Variants in ANGPTL4 observed in about 807,000 individuals in gnomAD.
The protein encoded by ANGPTL4 is angiopoietin-related protein 4.
In ANGPTL4, 39 loss-of-function variants were observed where a neutral mutation model predicts 39.2. The observed-to-expected ratio is 1.00, with a 90% CI of 0.77 to 1.30. The LOEUF (loss-of-function observed/expected upper bound fraction) is 1.30, where lower values mean the gene tolerates loss of function less well. Among genes scored for constraint, ANGPTL4 ranks in the 50% most tolerant of loss-of-function variants. ANGPTL4 has a pLI of 0.00. For missense variants in ANGPTL4, 545 were observed against 549.8 expected (o/e 0.99, Z 0.09); for synonymous variants, 233 against 229.5 (o/e 1.02, Z -0.14).
Position 8,369,238 on chromosome 19 carries a change from G to C in ANGPTL4, c.567G>C (p.Gln189His). ...SRLHRLPRDC[Q>H]ELFQVGERQS... The stretch of plus-strand genomic sequence containing the variant: ...CTTCAGGGCTGCCCAGGGATTGCCA[G>C]GAGCTGTTCCAGGTTGGGGAGAGGC... The change falls in exon 4 of 7, where the codon CAG becomes CAC. Residue 189 changes from glutamine to histidine, a missense_variant. Coordinates refer to ENST00000301455, the MANE Select transcript of ANGPTL4 (RefSeq NM_139314.3). 6.2e-7 allele frequency: 1 copy of C among 1,611,542 alleles called. No individual in the cohort carries two copies. Among genetic ancestry groups the C allele is most frequent in the Non-Finnish European group, 8.5e-7 (1 of 1,179,742 alleles).
At position 8,374,182 on chromosome 19, in the gene ANGPTL4, G is replaced by T; in HGVS notation, c.*296G>T. 1 of 416,914 alleles carries T rather than the reference G, an allele frequency of 2.4e-6. No homozygotes were observed. Among genetic ancestry groups the T allele is most frequent in the Non-Finnish European group, 4.5e-6 (1 of 222,666 alleles). The allele number at this position is 416,914 out of a possible 1,614,324, so 25.8% of individuals were successfully genotyped here. ...GTTGGGGACTCAGAGGGACCACTTG[G>T]GGCCAGCCAGACTGGCCTCAATGGC... On this transcript the variant is annotated 3_prime_UTR_variant, in exon 7 of 7. Coordinates refer to ENST00000301455, the MANE Select transcript of ANGPTL4 (RefSeq NM_139314.3).
At chr19:8,370,771 A>G (rs537946426) in intron 4 of ANGPTL4, among the ~76,000 whole-genome samples, 105 of 151,992 alleles carry the variant, frequency 6.9e-4, no homozygotes, top group Non-Finnish European at 1.4e-3. Flanking sequence ...AGAGGTTACA[A>G]CACGGGGTTT....
rs758390511 is a variant in ANGPTL4, at chr19:8,371,383, TAGCCTGC to T, written c.904_910del (p.Leu302SerfsTer93). Reference sequence around the variant, plus strand: ...ACCTGGGTGGCGAGGACACGGCCTATAGCCTGCAGCTCACTGCACCCGTGGCCGGCCA... The same window carrying T: ...ACCTGGGTGGCGAGGACACGGCCTATAGCTCACTGCACCCGTGGCCGGCCA... On this transcript the variant is annotated frameshift_variant, in exon 6 of 7. Transcript: ENST00000301455. LOFTEE classifies it high-confidence loss of function. This position sits in a 1 kb window ranked among gnomAD's most constrained non-coding sequence, Gnocchi z 5.1. The T allele has an allele frequency of 6.2e-6, 10 of 1,613,506 alleles. No homozygotes were observed. Among genetic ancestry groups the T allele is most frequent in the Non-Finnish European group, 7.6e-6 (9 of 1,180,020 alleles).
chr19:8,364,610 G>C lies in ANGPTL4; in HGVS notation c.289G>C (p.Val97Leu), dbSNP rs554305598. 7.0e-5 allele frequency: 112 copies of C among 1,592,700 alleles called. 1 individual carries two copies. The South Asian group carries it at 1.1e-3, about 16-fold the overall frequency. Residue 97 changes from valine to leucine, a missense_variant, in exon 1 of 7, where the codon GTG becomes CTG. By Grantham distance (32) the Val-to-Leu change is conservative (BLOSUM62 1). Coordinates refer to ENST00000301455, the MANE Select transcript of ANGPTL4 (RefSeq NM_139314.3). ...CCTCCCGTTAGCCCCTGAGAGCCGG[G>C]TGGACCCTGAGGTCCTTCACAGCCT... Reference protein sequence around the residue: ...TDLPLAPESRVDPEVLHSLQT... With the variant: ...TDLPLAPESRLDPEVLHSLQT...
Position 8,364,396 on chromosome 19 carries a change from C to A in ANGPTL4, c.75C>A (p.Gly25=), listed in dbSNP as rs776996548. The change falls in exon 1 of 7, where the codon GGC becomes GGA. Residue 25 remains glycine (G), a synonymous_variant. Transcript: ENST00000301455. Reference sequence around the variant, plus strand: ...CCGCCGTGCTACTGAGCGCTCAGGGCGGACCCGTGCAGTCCAAGTCGCCGC... The same window carrying A: ...CCGCCGTGCTACTGAGCGCTCAGGGAGGACCCGTGCAGTCCAAGTCGCCGC... ...AATAVLLSAQ[G]GPVQSKSPRF... 3 of 1,546,238 alleles carry A rather than the reference C, an allele frequency of 1.9e-6. No homozygotes were observed. Among genetic ancestry groups the A allele is most frequent in the South Asian group, 1.2e-5 (1 of 84,356 alleles).
At chr19:8,369,420 T>C in intron 4 of ANGPTL4, 88 bp downstream of exon 4, 1 of 973,488 alleles carries the variant, frequency 1.0e-6, no homozygotes, top group Non-Finnish European at 1.6e-6. Context: ...ACAAAAAAAT[T>C]AAAGGCAGGG....
Position 8,374,053 on chromosome 19 carries a change from G to A in ANGPTL4, c.*167G>A, listed in dbSNP as rs543626813. On this transcript the variant is annotated 3_prime_UTR_variant, in exon 7 of 7. Coordinates refer to ENST00000301455, the MANE Select transcript of ANGPTL4 (RefSeq NM_139314.3). ...GGAGAAGCCCCCTTTCTGAGTGCAG[G>A]GGGGCTGCATGCGTTGCCTCCTGAG... is the stretch of plus-strand genomic sequence containing the variant. 5.6e-6 allele frequency: 4 copies of A among 719,180 alleles called. No homozygotes were observed. The highest frequency in any genetic ancestry group is 2.7e-5 in the East Asian group (1 of 37,198). The allele number at this position is 719,180 out of a possible 1,614,324, so 44.5% of individuals were successfully genotyped here.
rs1971126048 is a variant in ANGPTL4 at position 8,371,766 on chromosome 19, TA to T, written c.1039+245del. On this transcript the variant is annotated intron_variant, in intron 6 of 6. Transcript: ENST00000301455. This position sits in a 1 kb window ranked among gnomAD's most constrained non-coding sequence, Gnocchi z 5.1. ...TTGTTTATTTATTTATTTATGTATT[TA>T]TTTTTTGAGACGGAGTCTCACTTTG... Among the ~76,000 whole-genome samples, 1 of 152,214 alleles carries T rather than the reference TA, an allele frequency of 6.6e-6. No individual in the cohort carries two copies. Among genetic ancestry groups the T allele is most frequent in the Non-Finnish European group, 1.5e-5 (1 of 68,050 alleles).
At chr19:8,370,524 C>T (rs1971093728) in intron 4 of ANGPTL4, among the ~76,000 whole-genome samples, 1 of 151,982 alleles carries the variant, frequency 6.6e-6, no homozygotes, top group Non-Finnish European at 1.5e-5. Context: ...ACCAGCCTGG[C>T]CAACATGGTG....
At chr19:8,369,453 G>GTT in intron 4 of ANGPTL4, 121 bp downstream of exon 4, 6 of 590,330 alleles carry the variant, frequency 1.0e-5, no homozygotes, top group East Asian at 7.5e-5. Context: ...GCCCAAGCTG[G>GTT]TCTTTTTTTT....
chr19:8,366,206 G>C lies in ANGPTL4; in HGVS notation c.434G>C (p.Gly145Ala). ...CCTCCTCCCGTCCCATCCTAGTTTG[G>C]CCTCCTGGACCACAAGCACCTAGAC... ...LRIQHLQSQF[G>A]LLDHKHLDHE... The change falls in exon 3 of 7, where the codon GGC becomes GCC. Residue 145 changes from glycine (G) to alanine (A), a missense_variant. Gly to Ala is a moderately conservative substitution (Grantham distance 60). Transcript: ENST00000301455. The C allele has an allele frequency of 6.2e-7, 1 of 1,614,086 alleles. No individual in the cohort carries two copies. Among genetic ancestry groups the C allele is most frequent in the East Asian group, 2.2e-5 (1 of 44,876 alleles).
intron 6 of ANGPTL4, among the ~76,000 whole-genome samples, chr19:8,372,046 C>A (rs1971131950): frequency 6.6e-6 from 1 of 151,474 alleles, no homozygotes; most frequent in African/African-American, 2.4e-5. Context: ...GCGTGAGCCA[C>A]CGCGCCCGGC....
chr19:8,372,179 C>T (rs1164229191), intron 6 of ANGPTL4, among the ~76,000 whole-genome samples: 1 of 151,858 alleles, frequency 6.6e-6, no homozygotes, highest in Non-Finnish European at 1.5e-5. Flanking sequence ...GCCTCAGCCT[C>T]CTGAGTAGCT....
intron 4 of ANGPTL4, among the ~76,000 whole-genome samples, chr19:8,370,614 C>T (rs561492424): frequency 3.3e-5 from 5 of 150,392 alleles, no homozygotes; most frequent in Admixed American, 2.7e-4. Context: ...GCACAAGAAT[C>T]GCTTGAGCCC....
At chr19:8,366,446 C>A in intron 3 of ANGPTL4, 127 bp downstream of exon 3, 1 of 1,077,596 alleles carries the variant, frequency 9.3e-7, no homozygotes, top group Non-Finnish European at 1.4e-6. Flanking sequence ...TGAGGGCTCA[C>A]CAGTCTCTGG....
At chr19:8,372,037 C>T (rs944215058) in intron 6 of ANGPTL4, among the ~76,000 whole-genome samples, 3 of 151,534 alleles carry the variant, frequency 2.0e-5, no homozygotes, top group African/African-American at 4.9e-5. Context: ...GGATTACAGG[C>T]GTGAGCCACC....
intron 3 of ANGPTL4, among the ~76,000 whole-genome samples, chr19:8,367,184 C>G (rs1387841957): frequency 6.6e-6 from 1 of 152,098 alleles, no homozygotes; most frequent in Non-Finnish European, 1.5e-5. Context: ...GCTCCCGCTC[C>G]TTCCCACCTC....
At chr19:8,367,259 C>G (rs571212669) in intron 3 of ANGPTL4, among the ~76,000 whole-genome samples, 88 of 152,068 alleles carry the variant, frequency 5.8e-4, no homozygotes, top group Non-Finnish European at 1.0e-3. Flanking sequence ...TGTCCACCCT[C>G]CCAAAGCCAC....
rs774924877 is a variant in ANGPTL4 at position 8,371,298 on chromosome 19, G to T, written c.815G>T (p.Arg272Leu). Residue 272 changes from arginine (R) to leucine (L), a missense_variant, in exon 6 of 7, where the codon CGC (arginine) becomes CTC (leucine). Coordinates refer to ENST00000301455, the MANE Select transcript of ANGPTL4 (RefSeq NM_139314.3). The surrounding 1 kb of genome is among the most constrained non-coding windows in gnomAD (Gnocchi z 5.1). ...AGCATCACGGGGGACCGCAACAGCC[G>T]CCTGGCCGTGCAGCTGCGGGACTGG... Reference protein sequence around the residue: ...VHSITGDRNSRLAVQLRDWDG... With the variant: ...VHSITGDRNSLLAVQLRDWDG... 4.0e-5 allele frequency: 65 copies of T among 1,613,814 alleles called. No individual in the cohort carries two copies. Among genetic ancestry groups the T allele is most frequent in the East Asian group, 2.9e-4 (13 of 44,886 alleles).
Sources: allele counts gnomAD v4.1 joint callset (sites outside exome capture counted in the v4.1 genomes callset), GRCh38; gene constraint gnomAD v4.1.1; non-coding constraint Gnocchi (gnomAD v3.1); transcripts MANE v1.5; gene names NCBI Gene and HGNC (gene_info 2026-07-23, HGNC 2026-07-21).